Variants in HOMER2 observed in about 807,000 individuals in gnomAD.
HOMER2 encodes homer protein homolog 2.
Under a neutral mutation model 47.0 loss-of-function variants are expected in HOMER2, and 27 were observed. That is an observed-to-expected ratio of 0.57 (90% CI 0.42 to 0.79). HOMER2 has a LOEUF of 0.79. Among genes scored for constraint, HOMER2 ranks in the 30% least tolerant of loss-of-function variants. The pLI, the probability that HOMER2 is intolerant of heterozygous loss-of-function variation, is 0.00. For missense variants in HOMER2, 443 were observed against 435.0 expected, an observed-to-expected ratio of 1.02 and a Z score of -0.16; for synonymous variants, 161 against 163.8, an observed-to-expected ratio of 0.98 and a Z score of 0.13.
chr15:82,848,465 C>T (rs1353329131), downstream of HOMER2, among the ~76,000 whole-genome samples: 1 of 152,198 alleles, frequency 6.6e-6, no homozygotes, highest in East Asian at 1.9e-4. Flanking sequence ...ACCCACAGGC[C>T]CGCTGGCCCC....
intron 1 of HOMER2, among the ~76,000 whole-genome samples, chr15:82,893,534 T>G (rs1717245847): frequency 6.6e-6 from 1 of 152,018 alleles, no homozygotes; most frequent in African/African-American, 2.4e-5. Context: ...GGTTTCACTA[T>G]GTTGGCCGGG....
chr15:82,967,372 T>A (rs1027898934), intron 1 of HOMER2, among the ~76,000 whole-genome samples: 15 of 151,472 alleles, frequency 9.9e-5, no homozygotes, highest in African/African-American at 2.7e-4. Context: ...ACGTAAGTTT[T>A]AAAAAAAAAG....
intron 2 of HOMER2, among the ~76,000 whole-genome samples, chr15:82,878,845 C>G (rs1397302328): frequency 6.6e-6 from 1 of 152,216 alleles, no homozygotes; most frequent in Non-Finnish European, 1.5e-5. Context: ...CCTGGCTGAT[C>G]TCAAACTCCT....
chr15:82,867,806 A>G (rs2052023534), intron 3 of HOMER2, among the ~76,000 whole-genome samples: 1 of 152,188 alleles, frequency 6.6e-6, no homozygotes, highest in Admixed American at 6.5e-5. Context: ...AATTGAGAAT[A>G]TGGGGGGAAA....
In HOMER2 at chr15:82,952,556, C is replaced by A; in HGVS notation, c.-21G>T. On this transcript the variant is annotated 5_prime_UTR_variant, in exon 1 of 9. Coordinates refer to ENST00000450735, the MANE Select transcript of HOMER2 (RefSeq NM_004839.4). ...CCCATCTCCGGCGCTGCTCCGGCGG[C>A]CGCTCCGACGGGGCCTCTCGCGCTC... 8.5e-7 allele frequency: 1 copy of A among 1,175,294 alleles called. No homozygotes were observed. The highest frequency in any genetic ancestry group is 1.1e-6 in the Non-Finnish European group (1 of 951,738). The allele number at this position is 1,175,294 out of a possible 1,614,324, so 72.8% of individuals were successfully genotyped here.
exon 2 of HOMER2, chr15:82,837,472 C>T (rs2051138473): frequency 6.6e-6 from 1 of 152,202 alleles, no homozygotes; most frequent in South Asian, 2.1e-4. Context: ...AGCAGCTGCT[C>T]TGCAGATTGT....
chr15:82,869,664 G>A (rs141924407), intron 3 of HOMER2, among the ~76,000 whole-genome samples: 1,584 of 151,826 alleles, frequency 0.01, 31 homozygotes, highest in African/African-American at 0.036. Context: ...CACAATGTTG[G>A]CCAGGCTGGT....
At chr15:82,972,118 T>G (rs2030014394) in intron 1 of HOMER2, among the ~76,000 whole-genome samples, 1 of 152,170 alleles carries the variant, frequency 6.6e-6, no homozygotes, top group South Asian at 2.1e-4. Context: ...ATTTATGGAG[T>G]GTGCAGCCAT....
chr15:82,942,450 T>C (rs534474640), intron 1 of HOMER2, among the ~76,000 whole-genome samples: 14 of 152,338 alleles, frequency 9.2e-5, no homozygotes, highest in African/African-American at 3.4e-4. Flanking sequence ...ACATGGCCCC[T>C]GGTACAACAT....
chr15:82,946,532 C>G (rs2054386194), intron 1 of HOMER2, among the ~76,000 whole-genome samples: 1 of 152,180 alleles, frequency 6.6e-6, no homozygotes, highest in Non-Finnish European at 1.5e-5. Flanking sequence ...GAACACTTCC[C>G]TCAGACACCT....
chr15:82,971,329 T>A (rs909253524), intron 1 of HOMER2, among the ~76,000 whole-genome samples: 9 of 152,040 alleles, frequency 5.9e-5, no homozygotes, highest in Non-Finnish European at 8.8e-5. Flanking sequence ...GTTTCTAACA[T>A]TGGTGATTCC....
In HOMER2 at chr15:82,913,198, T is replaced by C. The variant is rs1271566766; in HGVS notation, c.6-20357A>G. Among the ~76,000 whole-genome samples the C allele has an allele frequency of 6.6e-6, 1 of 152,160 alleles. No individual in the cohort carries two copies. Among genetic ancestry groups the C allele is most frequent in the African/African-American group, 2.4e-5 (1 of 41,440 alleles). The stretch of plus-strand genomic sequence containing the variant: ...TCTGCTATTCACTCCTTGTATGAAG[T>C]GCCACGATGGAGTTAAAGCTCAGCA... On this transcript the variant is annotated intron_variant, in intron 1 of 8. Transcript: ENST00000450735. The surrounding 1 kb of genome is among the most constrained non-coding windows in gnomAD (Gnocchi z 4.1).
chr15:82,869,450 C>CTTT (rs71822678), intron 3 of HOMER2, among the ~76,000 whole-genome samples: 15,541 of 70,382 alleles, frequency 0.22, 4,547 homozygotes, highest in East Asian at 0.41. Context: ...TACTAAACAT[C>CTTT]TTTTTTTTTT....
chr15:82,967,809 G>A (rs977651411), intron 1 of HOMER2, among the ~76,000 whole-genome samples: 2 of 151,600 alleles, frequency 1.3e-5, no homozygotes, highest in Admixed American at 6.6e-5. Context: ...CCCGGAAAGC[G>A]GAGGTTGCAG....
downstream of HOMER2, chr15:82,845,876 G>GA (rs1389259233): frequency 3.3e-5 from 5 of 152,254 alleles, no homozygotes; most frequent in African/African-American, 1.2e-4. Context: ...AAAATAGGCA[G>GA]AGCATGATGT....
In HOMER2 at chr15:82,851,185, A is replaced by T; in HGVS notation, c.809T>A (p.Met270Lys). Residue 270 changes from methionine to lysine, a missense_variant, in exon 8 of 9, where the codon ATG (methionine) becomes AAG (lysine). Met to Lys is a moderately conservative substitution (Grantham distance 95). Transcript: ENST00000450735. ...RKQSEIIPQLMSECEYVSEKL... is the reference protein window; with the variant it reads ...RKQSEIIPQLKSECEYVSEKL... ...CTCAGAGACATATTCGCACTCTGAC[A>T]TGAGCTGAGGTATGATTTCACTTTG... 1 of 1,576,008 alleles carries T rather than the reference A, an allele frequency of 6.3e-7. No homozygotes were observed. Among genetic ancestry groups the T allele is most frequent in the Non-Finnish European group, 8.6e-7 (1 of 1,158,986 alleles).
At chr15:82,925,752 T>A (rs2053839689) in intron 1 of HOMER2, 1 of 152,004 alleles carries the variant, frequency 6.6e-6, no homozygotes, top group African/African-American at 2.4e-5. Context: ...ACCCCATAAT[T>A]CTCCTTCAGA....
chr15:82,854,849 T>C (rs1474370547), intron 5 of HOMER2, 49 bp from the exon 6 acceptor site: 2 of 1,573,708 alleles, frequency 1.3e-6, no homozygotes, highest in Admixed American at 3.4e-5. Context: ...CTGTCCCGTC[T>C]GGCTCCGCCC....
At chr15:82,875,222 A>C (rs1419069251) in intron 3 of HOMER2, 51 bp downstream of exon 3, 1 of 1,596,634 alleles carries the variant, frequency 6.3e-7, no homozygotes, top group African/African-American at 1.3e-5. Context: ...ATCACTGATG[A>C]GAATGGCATC....
Sources: gnomAD v4.1 joint callset for allele counts (sites outside exome capture counted in the v4.1 genomes callset) on GRCh38, gnomAD v4.1.1 for gene constraint, Gnocchi (gnomAD v3.1) non-coding constraint, MANE v1.5 for transcripts, NCBI Gene and HGNC (gene_info 2026-07-23, HGNC 2026-07-21) for gene names.